SH2D4B: variants seen among roughly 807,000 people sequenced by gnomAD.
SH2D4B encodes SH2 domain containing 4B, also known as SH2 domain-containing protein 4B.
A neutral mutation model predicts 61.5 loss-of-function variants in SH2D4B; 45 were observed. That is an observed-to-expected ratio of 0.73 (90% CI 0.58 to 0.94). The LOEUF (loss-of-function observed/expected upper bound fraction) is 0.94. Ranked by LOEUF, SH2D4B falls within the 40% of genes least tolerant of loss-of-function variation. The pLI is 0.00. For synonymous variants in SH2D4B, 224 were observed against 220.4 expected (o/e 1.02, Z -0.14); for missense variants, 572 against 574.2 (o/e 1.00, Z 0.04).
At chr10:80,618,593 G>T (rs1842684057) in intron 6 of SH2D4B, among the ~76,000 whole-genome samples, 1 of 152,200 alleles carries the variant, frequency 6.6e-6, no homozygotes, top group East Asian at 1.9e-4. Flanking sequence ...CCTCCTTAAT[G>T]ATACTGTCTG....
chr10:80,577,488 G>A (rs559913580), intron 3 of SH2D4B, among the ~76,000 whole-genome samples: 19 of 151,070 alleles, frequency 1.3e-4, no homozygotes, highest in South Asian at 4.2e-4. Flanking sequence ...GTGCAGTGGC[G>A]CAATCTCAGC....
intron 6 of SH2D4B, among the ~76,000 whole-genome samples, chr10:80,614,285 G>C (rs139849198): frequency 6.6e-6 from 1 of 152,320 alleles, no homozygotes; most frequent in African/African-American, 2.4e-5. Context: ...GCTTTTACTC[G>C]TGGCAGAAGG....
chr10:80,608,958 T>G (rs1036354596), intron 5 of SH2D4B, among the ~76,000 whole-genome samples: 12 of 152,104 alleles, frequency 7.9e-5, no homozygotes, highest in African/African-American at 2.9e-4. Flanking sequence ...CCCAGAATTG[T>G]TTCTGAGAGA....
chr10:80,563,708 A>T (rs576817399), intron 1 of SH2D4B, among the ~76,000 whole-genome samples: 1 of 152,344 alleles, frequency 6.6e-6, no homozygotes, highest in South Asian at 2.1e-4. Flanking sequence ...ACAACAACAG[A>T]AGCTCTTTGT....
In SH2D4B at chr10:80,609,383, C is replaced by G. The variant is rs1369807036; in HGVS notation, c.861-41C>G. 4 of 1,596,680 alleles carry G rather than the reference C, an allele frequency of 2.5e-6. No individual in the cohort carries two copies. In the African/African-American group the frequency reaches 5.4e-5, roughly 21 times the overall value. ...CTTCCTCTCCCTCCGCTCTTTCTCC[C>G]TCCCTGACTCTTCTGCCCTCCCCAC... is the stretch of plus-strand genomic sequence containing the variant. On this transcript the variant is annotated intron_variant, in intron 5 of 7. Coordinates refer to ENST00000646907, the MANE Select transcript of SH2D4B (RefSeq NM_001388272.1).
Position 80,645,830 on chromosome 10 carries a change from C to T in SH2D4B, c.*1745C>T, listed in dbSNP as rs1002708903. On this transcript the variant is annotated 3_prime_UTR_variant, in exon 8 of 8. Coordinates refer to ENST00000646907, the MANE Select transcript of SH2D4B (RefSeq NM_001388272.1). ...ATCAATTTTGCAACTCACTCAGCTC[C>T]ATGGCTTCCCCCGGTCTACCTGTCT... 1.3e-5 allele frequency: 2 copies of T among 152,184 alleles called. No homozygotes were observed. Among genetic ancestry groups the T allele is most frequent in the Non-Finnish European group, 2.9e-5 (2 of 68,034 alleles). 9.4% of individuals were successfully genotyped at this position (152,184 alleles called of 1,614,324 possible).
chr10:80,568,037 C>G (rs1348756312), intron 1 of SH2D4B, among the ~76,000 whole-genome samples: 1 of 152,128 alleles, frequency 6.6e-6, no homozygotes, highest in Non-Finnish European at 1.5e-5. Context: ...CTCTGTTTCA[C>G]CTGAAGGACA....
In SH2D4B at chr10:80,576,648, G is replaced by A. The variant is rs551603617; in HGVS notation, c.495+5070G>A. The stretch of plus-strand genomic sequence containing the variant: ...CTGTGGTAGGTTAAATGGGATTTGC[G>A]GCAAATTGTTTGCCCCTCCTCCCTT... On this transcript the variant is annotated intron_variant, in intron 3 of 7. Coordinates refer to ENST00000646907, the MANE Select transcript of SH2D4B (RefSeq NM_001388272.1). Among the ~76,000 whole-genome samples, 80 of 152,320 alleles carry A rather than the reference G, an allele frequency of 5.3e-4. 1 individual carries two copies. The South Asian group carries it at 0.015, about 28-fold the overall frequency.
chr10:80,583,071 C>T (rs1423841185), intron 3 of SH2D4B, among the ~76,000 whole-genome samples: 1 of 152,156 alleles, frequency 6.6e-6, no homozygotes, highest in East Asian at 1.9e-4. Flanking sequence ...AGTCAGGGAA[C>T]ATCAGACTGC....
At chr10:80,641,438 G>T (rs1005483900) in intron 7 of SH2D4B, among the ~76,000 whole-genome samples, 1 of 152,196 alleles carries the variant, frequency 6.6e-6, no homozygotes, top group African/African-American at 2.4e-5. Context: ...CTGAGCTGTG[G>T]TGGGCTCCAC....
intron 7 of SH2D4B, among the ~76,000 whole-genome samples, chr10:80,639,996 C>G (rs1237118647): frequency 6.6e-6 from 1 of 152,270 alleles, no homozygotes; most frequent in South Asian, 2.1e-4. Flanking sequence ...GTGACAAAAT[C>G]TCTCAGCATT....
chr10:80,582,829 A>T (rs774789091), intron 3 of SH2D4B, among the ~76,000 whole-genome samples: 18 of 152,214 alleles, frequency 1.2e-4, no homozygotes, highest in Non-Finnish European at 2.1e-4. Flanking sequence ...TCCTGCTTGC[A>T]GCCTGCTCCC....
At chr10:80,639,147 G>A (rs1343916122) in intron 7 of SH2D4B, among the ~76,000 whole-genome samples, 1 of 152,214 alleles carries the variant, frequency 6.6e-6, no homozygotes, top group Non-Finnish European at 1.5e-5. Context: ...TGTGGTCTGA[G>A]AGACAGTTTG....
At chr10:80,609,287 C>G in intron 5 of SH2D4B, 137 bp from the exon 6 acceptor site, 20 of 579,498 alleles carry the variant, frequency 3.5e-5, no homozygotes, top group East Asian at 4.2e-5. Context: ...CCCTCCCCTG[C>G]CCCTTCTTCC....
chr10:80,540,786 G>T, intron 1 of SH2D4B: 1 of 1,540,994 alleles, frequency 6.5e-7, no homozygotes, highest in Non-Finnish European at 8.8e-7. Flanking sequence ...AGGGAACACA[G>T]CCAACTCGAG....
At position 80,603,647 on chromosome 10, in the gene SH2D4B, C is replaced by A; in HGVS notation, c.712C>A (p.His238Asn). 1 of 1,603,924 alleles carries A rather than the reference C, an allele frequency of 6.2e-7. No individual in the cohort carries two copies. Among genetic ancestry groups the A allele is most frequent in the East Asian group, 2.3e-5 (1 of 44,340 alleles). Residue 238 changes from histidine (H) to asparagine (N), a missense_variant, in exon 5 of 8, where the codon CAC becomes AAC. His to Asn is a moderately conservative substitution (Grantham distance 68). Transcript: ENST00000646907. ...RAQRARDEYR[H>N]HSLRAIQKGT... ...CCAGCGCGCCCGGGACGAGTACCGA[C>A]ACCACTCGCTCCGTGCTATCCAGAA...
intron 6 of SH2D4B, among the ~76,000 whole-genome samples, chr10:80,623,441 CTTAA>C (rs1842738583): frequency 6.6e-6 from 1 of 152,314 alleles, no homozygotes; most frequent in African/African-American, 2.4e-5. Context: ...ATCCTCACTA[CTTAA>C]TTATCTCCTA....
At chr10:80,635,502 C>T (rs1842887149) in intron 7 of SH2D4B, among the ~76,000 whole-genome samples, 1 of 152,122 alleles carries the variant, frequency 6.6e-6, no homozygotes, top group African/African-American at 2.4e-5. Flanking sequence ...TCATGGAAGT[C>T]CCTAGAAATT....
At chr10:80,546,263 C>T (rs1305357923) in intron 1 of SH2D4B, among the ~76,000 whole-genome samples, 1 of 151,768 alleles carries the variant, frequency 6.6e-6, no homozygotes, top group East Asian at 1.9e-4. Flanking sequence ...GCCTAGACTG[C>T]TCTCGAACTT....
Sources: gnomAD v4.1 joint callset for allele counts (sites outside exome capture counted in the v4.1 genomes callset) on GRCh38, gnomAD v4.1.1 for gene constraint, MANE v1.5 for transcripts, NCBI Gene and HGNC (gene_info 2026-07-23, HGNC 2026-07-21) for gene names.